MCF2L: variants seen among roughly 807,000 people sequenced by gnomAD.
The protein encoded by MCF2L is guanine nucleotide exchange factor DBS.
In MCF2L, 97 loss-of-function variants were observed where a neutral mutation model predicts 153.4. The ratio of observed to expected loss-of-function variants is 0.63; its 90% CI spans 0.54 to 0.75. The LOEUF (loss-of-function observed/expected upper bound fraction) is 0.75, where lower values mean the gene tolerates loss of function less well. Among genes scored for constraint, MCF2L ranks in the 30% least tolerant of loss-of-function variants. The pLI, the probability that MCF2L is intolerant of heterozygous loss-of-function variation, is 0.00. For synonymous variants in MCF2L, 659 were observed against 632.2 expected (o/e 1.04, Z -0.64); for missense variants, 1,347 against 1,495.2 (o/e 0.90, Z 1.64).
rs2082983045 is a variant in MCF2L at position 112,993,610 on chromosome 13, C to T, written c.80-21153C>T. Among the ~76,000 whole-genome samples the T allele has an allele frequency of 6.6e-6, 1 of 151,952 alleles. No homozygotes were observed. The highest frequency in any genetic ancestry group is 6.6e-5 in the Admixed American group (1 of 15,266). On this transcript the variant is annotated intron_variant, in intron 1 of 29. Transcript: ENST00000535094. The surrounding 1 kb of genome is among the most constrained non-coding windows in gnomAD (Gnocchi z 4.6). ...AGGTTTCAGGGCAGGAGGGACGGGGCTTAGGGATGTTTCTTGGAGAGAGGG... is the reference window on the plus strand; with the variant it reads ...AGGTTTCAGGGCAGGAGGGACGGGGTTTAGGGATGTTTCTTGGAGAGAGGG...
chr13:112,980,715 C>T (rs1438145649), intron 1 of MCF2L, among the ~76,000 whole-genome samples: 3 of 111,182 alleles, frequency 2.7e-5, no homozygotes, highest in African/African-American at 9.1e-5. Context: ...GTGTCACTCA[C>T]TGCCGGTCAG....
In MCF2L at chr13:113,003,251, G is replaced by A. The variant is rs78322574; in HGVS notation, c.80-11512G>A. ...GGGTAAGCAGGGGTAGGTGGCCCCC[G>A]TGGGTTTTGGGGTTGGCTTTGGGGC... On this transcript the variant is annotated intron_variant, in intron 1 of 29. Transcript: ENST00000535094. Among the ~76,000 whole-genome samples the A allele has an allele frequency of 9.4e-3, 1,394 of 148,796 alleles. 20 individuals carry two copies. Among genetic ancestry groups the A allele is most frequent in the African/African-American group, 0.032 (1,296 of 40,484 alleles).
intron 26 of MCF2L, chr13:113,090,736 G>A: frequency 1.0e-6 from 1 of 985,484 alleles, no homozygotes; most frequent in South Asian, 4.7e-5. Flanking sequence ...GTGGACAAGG[G>A]CTCTTTCCAG....
chr13:113,045,171 A>T lies in MCF2L; in HGVS notation c.279-100A>T, dbSNP rs2086731037. ...TGGTATTGCAGAAATGGCATCATGA[A>T]TATGGGGGATCGCTCTCCCAAGAGG... On this transcript the variant is annotated intron_variant, in intron 3 of 29. Coordinates refer to ENST00000535094, the MANE Select transcript of MCF2L (RefSeq NM_001112732.3). This position sits in a 1 kb window ranked among gnomAD's most constrained non-coding sequence, Gnocchi z 4.2. 6.5e-6 allele frequency: 7 copies of T among 1,080,254 alleles called. No individual in the cohort carries two copies. The African/African-American group carries it at 9.3e-5, about 14-fold the overall frequency. 66.9% of individuals were successfully genotyped at this position (1,080,254 alleles called of 1,614,324 possible). A position where few individuals can be genotyped will look rare whatever the true frequency, so the allele number is the denominator to read the frequency against.
intron 2 of MCF2L, among the ~76,000 whole-genome samples, chr13:112,911,562 G>A (rs2081233068): frequency 6.6e-6 from 1 of 152,192 alleles, no homozygotes; most frequent in Admixed American, 6.5e-5. Flanking sequence ...CACTTCCAGA[G>A]ACCTGGGCCC....
In MCF2L at chr13:113,046,720, C is replaced by T. The variant is rs202172840; in HGVS notation, c.369+1359C>T. The T allele has an allele frequency of 1.1e-4, 55 of 515,202 alleles. No individual in the cohort carries two copies. In the East Asian group the frequency reaches 1.4e-3, roughly 13 times the overall value. 31.9% of individuals were successfully genotyped at this position (515,202 alleles called of 1,614,324 possible). A position where few individuals can be genotyped will look rare whatever the true frequency, so the allele number is the denominator to read the frequency against. On this transcript the variant is annotated intron_variant, in intron 4 of 29. Coordinates refer to ENST00000535094, the MANE Select transcript of MCF2L (RefSeq NM_001112732.3). This position sits in a 1 kb window ranked among gnomAD's most constrained non-coding sequence, Gnocchi z 4.4. The stretch of plus-strand genomic sequence containing the variant: ...GAGGCATCTCCTTGCACCCCCACGG[C>T]ACCTCTCTGCCCCTCGCCGCGGCGG...
chr13:113,033,217 A>G (rs80023641), intron 3 of MCF2L, among the ~76,000 whole-genome samples: 5,758 of 13,274 alleles, frequency 0.43, 547 homozygotes, highest in East Asian at 0.57. Flanking sequence ...CCCCCGTGAC[A>G]TGAGTGGCCC....
chr13:113,065,179 G>A (rs770277338), intron 7 of MCF2L, 94 bp downstream of exon 7: 29 of 1,481,514 alleles, frequency 2.0e-5, no homozygotes, highest in East Asian at 6.8e-5. Context: ...GGGGTCTTTC[G>A]TCCCAGCGGG....
chr13:112,979,667 G>A (rs1453682091), intron 1 of MCF2L: 6 of 1,612,750 alleles, frequency 3.7e-6, no homozygotes, highest in East Asian at 2.2e-5. Flanking sequence ...AGGGCGGTTC[G>A]ATGGCCGAGA....
intron 1 of MCF2L, chr13:112,979,473 T>G: frequency 2.1e-6 from 3 of 1,427,076 alleles, no homozygotes; most frequent in South Asian, 1.5e-5. Context: ...TTCTTTCTTG[T>G]GAGTTGGCGA....
intron 1 of MCF2L, among the ~76,000 whole-genome samples, chr13:113,010,809 C>T (rs1000097250): frequency 6.6e-6 from 1 of 152,160 alleles, no homozygotes; most frequent in African/African-American, 2.4e-5. Context: ...GTGGCACATA[C>T]GGGTCAGGGG....
intron 2 of MCF2L, among the ~76,000 whole-genome samples, chr13:113,020,948 GC>G (rs1343472336): frequency 6.6e-6 from 1 of 151,928 alleles, no homozygotes; most frequent in Admixed American, 6.6e-5. Context: ...TGCATGTGTA[GC>G]TGTGTATGTG....
chr13:113,031,531 G>GA lies in MCF2L; in HGVS notation c.278+6775dup, dbSNP rs2085723241. 1.3e-5 allele frequency among the ~76,000 whole-genome samples: 2 copies of GA among 152,044 alleles called. No individual in the cohort carries two copies. Reference sequence around the variant, plus strand: ...TTTTCTGAGGAGCTGTGTTTTCTGTGAAGTGGGTGCCAAAGAGTTCATGAG... The same window carrying GA: ...TTTTCTGAGGAGCTGTGTTTTCTGTGAAAGTGGGTGCCAAAGAGTTCATGAG... On this transcript the variant is annotated intron_variant, in intron 3 of 29. Coordinates refer to ENST00000535094, the MANE Select transcript of MCF2L (RefSeq NM_001112732.3). The surrounding 1 kb of genome is among the most constrained non-coding windows in gnomAD (Gnocchi z 5.5).
chr13:113,081,301 G>T (rs368131306), intron 16 of MCF2L, 22 bp downstream of exon 16: 3 of 1,567,958 alleles, frequency 1.9e-6, no homozygotes, highest in Non-Finnish European at 2.6e-6. Context: ...CTCGGGGAGG[G>T]CCGACTGCCA....
intron 1 of MCF2L, chr13:112,979,353 C>T: frequency 2.3e-6 from 3 of 1,299,872 alleles, no homozygotes; most frequent in Non-Finnish European, 2.9e-6. Flanking sequence ...CTGGGTTTCT[C>T]TAGCACCTCG....
At chr13:113,010,693 G>A (rs1226753688) in intron 1 of MCF2L, among the ~76,000 whole-genome samples, 1 of 151,654 alleles carries the variant, frequency 6.6e-6, no homozygotes, top group Non-Finnish European at 1.5e-5. Context: ...TCAGATGTGA[G>A]GCCCTAACCC....
chr13:112,902,001 A>G (rs561209080), intron 1 of MCF2L, among the ~76,000 whole-genome samples: 19 of 152,368 alleles, frequency 1.2e-4, no homozygotes, highest in South Asian at 4.1e-4. Context: ...TTATAGAAGA[A>G]GGTTCCTTGT....
Position 113,034,609 on chromosome 13 carries a change from C to G in MCF2L, c.278+9851C>G, listed in dbSNP as rs576718657. ...GCCCTGGTCTCACCCTCGCCCTCAC[C>G]CTGGTCTCACCCTCGCCCTGGTCTC... On this transcript the variant is annotated intron_variant, in intron 3 of 29. Transcript: ENST00000535094. 2.2e-4 allele frequency among the ~76,000 whole-genome samples: 33 copies of G among 151,094 alleles called. No individual in the cohort carries two copies. The South Asian group carries it at 5.6e-3, about 26-fold the overall frequency.
At chr13:112,968,118 C>T (rs3011469), upstream of MCF2L, 115,608 of 192,524 alleles carry the variant, frequency 0.6, 33,735 homozygotes, top group African/African-American at 0.64. Context: ...CTCTCTCTCT[C>T]TTTTAACTGA....
Sources: gnomAD v4.1 joint callset for allele counts (sites outside exome capture counted in the v4.1 genomes callset) on GRCh38, gnomAD v4.1.1 for gene constraint, Gnocchi (gnomAD v3.1) non-coding constraint, MANE v1.5 for transcripts, NCBI Gene and HGNC (gene_info 2026-07-23, HGNC 2026-07-21) for gene names.